Variants in GNS observed in about 807,000 individuals in gnomAD.
GNS encodes glucosamine (N-acetyl)-6-sulfatase.
In GNS, 40 loss-of-function variants were observed where a neutral mutation model predicts 69.7. That is an observed-to-expected ratio of 0.57 (90% confidence interval 0.45 to 0.75). The LOEUF (loss-of-function observed/expected upper bound fraction) is 0.75, where lower values mean the gene tolerates loss of function less well. GNS is among the 30% of genes least tolerant of loss of function. GNS has a pLI of 0.00. For missense variants in GNS, 565 were observed against 685.5 expected (o/e 0.82, Z 1.96); for synonymous variants, 243 against 251.6 (o/e 0.97, Z 0.32).
chr12:64,740,570 A>G (rs751880424), intron 7 of GNS, 36 bp downstream of exon 7: 16 of 1,124,782 alleles, frequency 1.4e-5, no homozygotes, highest in Non-Finnish European at 2.2e-5. Context: ...AGGGTCTTTA[A>G]AACCACTCAG....
At chr12:64,739,613 A>C (rs1245279337) in intron 7 of GNS, 114 bp from the exon 8 acceptor site, 1 of 656,492 alleles carries the variant, frequency 1.5e-6, no homozygotes, top group African/African-American at 1.8e-5. Context: ...CCGTTTAAAA[A>C]AAAAAATCCA....
chr12:64,722,605 T>C (rs1218575069), intron 11 of GNS, among the ~76,000 whole-genome samples: 1 of 152,252 alleles, frequency 6.6e-6, no homozygotes, highest in Non-Finnish European at 1.5e-5. Flanking sequence ...CTTTGTGACC[T>C]GCCTGGCTGC....
intron 6 of GNS, among the ~76,000 whole-genome samples, chr12:64,741,020 G>C (rs1453456716): frequency 6.6e-6 from 1 of 152,118 alleles, no homozygotes; most frequent in African/African-American, 2.4e-5. Context: ...TTACAACTCT[G>C]ATCTTATGCC....
intron 5 of GNS, 78 bp downstream of exon 5, chr12:64,744,731 T>C (rs923841417): frequency 1.4e-5 from 11 of 786,746 alleles, no homozygotes; most frequent in Admixed American, 1.0e-4. Flanking sequence ...AATAAGATTA[T>C]AGGTTTTCTA....
In GNS at chr12:64,759,147, T is replaced by TTCCC; in HGVS notation, c.126_129dup (p.Thr44GlyfsTer64). 1 of 1,558,066 alleles carries TTCCC rather than the reference T, an allele frequency of 6.4e-7. No homozygotes were observed. Among genetic ancestry groups the TTCCC allele is most frequent in the East Asian group, 2.4e-5 (1 of 41,984 alleles). ...AGCAGCACCACGTTGGGCCTCCGGGTTCCCGCAGCCACCCCGAAGACCCCC... is the reference window on the plus strand; with the variant it reads ...AGCAGCACCACGTTGGGCCTCCGGGTTCCCTCCCGCAGCCACCCCGAAGACCCCC... On this transcript the variant is annotated frameshift_variant, in exon 1 of 14. Transcript: ENST00000258145. LOFTEE classifies it high-confidence loss of function.
chr12:64,722,802 T>C (rs1028880737), intron 11 of GNS: 5 of 568,978 alleles, frequency 8.8e-6, no homozygotes, highest in African/African-American at 5.6e-5. Flanking sequence ...AATTGGAAGA[T>C]TAACAGTGCA....
At position 64,741,107 on chromosome 12, in the gene GNS, T is replaced by TTTTTTC. The variant is rs1392425931; in HGVS notation, c.793-420_793-419insGAAAAA. Among the ~76,000 whole-genome samples, 20 of 16,664 alleles carry TTTTTTC rather than the reference T, an allele frequency of 1.2e-3. No individual in the cohort carries two copies. In the South Asian group the frequency reaches 0.045, roughly 37 times the overall value. 10.9% of individuals were successfully genotyped at this position (16,664 alleles called of 152,430 possible). On this transcript the variant is annotated intron_variant, in intron 6 of 13. Coordinates refer to ENST00000258145, the MANE Select transcript of GNS (RefSeq NM_002076.4). Reference sequence around the variant, plus strand: ...CTGTAGTCCCAGCTACTTGGGAGGCTGAGGCAGGAGAATGGCGTGAACCCG... The same window carrying TTTTTTC: ...CTGTAGTCCCAGCTACTTGGGAGGCTTTTTTCGAGGCAGGAGAATGGCGTGAACCCG...
Position 64,744,828 on chromosome 12 carries a change from TC to T in GNS, c.604del (p.Asp202ThrfsTer3). ...ACTCACCAAAACATCTGTCAGGTAG[TC>T]CACACTATAGTTTTCACCATGCTTC... ...ARKHGENYSV[D>X]YLTDVLANVS... On this transcript the variant is annotated frameshift_variant, in exon 5 of 14. Transcript: ENST00000258145. LOFTEE classifies it high-confidence loss of function. 6.6e-7 allele frequency: 1 copy of T among 1,526,274 alleles called. No homozygotes were observed. Among genetic ancestry groups the T allele is most frequent in the African/African-American group, 1.4e-5 (1 of 73,312 alleles). 94.5% of individuals were successfully genotyped at this position (1,526,274 alleles called of 1,614,324 possible).
chr12:64,757,134 G>A lies in GNS; in HGVS notation c.192+1951C>T, dbSNP rs182432426. 1.1e-3 allele frequency among the ~76,000 whole-genome samples: 160 copies of A among 152,268 alleles called. 1 individual carries two copies. Among genetic ancestry groups the A allele is most frequent in the Non-Finnish European group, 1.9e-3 (130 of 68,022 alleles). Reference sequence around the variant, plus strand: ...TTCAAGGCTGCAATGAGCCTTGATTGTACCACTGCACTCCAGCCTGGATGA... The same window carrying A: ...TTCAAGGCTGCAATGAGCCTTGATTATACCACTGCACTCCAGCCTGGATGA... On this transcript the variant is annotated intron_variant, in intron 1 of 13. Transcript: ENST00000258145.
rs79475223 is a variant in GNS at position 64,727,119 on chromosome 12, T to C, written c.1200+1837A>G. ...TCACAAAGACAGATAATAGCAAGTA[T>C]TGGCTCCCACCCGTAATCTCAGCAC... On this transcript the variant is annotated intron_variant, in intron 10 of 13. Transcript: ENST00000258145. Among the ~76,000 whole-genome samples the C allele has an allele frequency of 2.1e-3, 319 of 151,740 alleles. 1 individual carries two copies. The highest frequency in any genetic ancestry group is 7.3e-3 in the African/African-American group (302 of 41,408).
intron 3 of GNS, among the ~76,000 whole-genome samples, chr12:64,746,409 C>G (rs1467122637): frequency 6.6e-6 from 1 of 152,200 alleles, no homozygotes; most frequent in African/African-American, 2.4e-5. Context: ...GAAATGTTCA[C>G]TGGAGCACTT....
Position 64,747,808 on chromosome 12 carries a change from C to A in GNS, c.363G>T (p.Lys121Asn). 6.2e-7 allele frequency: 1 copy of A among 1,609,086 alleles called. No homozygotes were observed. The highest frequency in any genetic ancestry group is 8.5e-7 in the Non-Finnish European group (1 of 1,175,444). Residue 121 changes from lysine to asparagine, a missense_variant, in exon 3 of 14, where the codon AAG becomes AAT. Transcript: ENST00000258145. ...TTGGTTCTTGGATCTTCTGCCAGGACTTACTACTGCAGTTCCCCTCCAGAG... is the reference window on the plus strand; with the variant it reads ...TTGGTTCTTGGATCTTCTGCCAGGAATTACTACTGCAGTTCCCCTCCAGAG... Reference protein sequence around the residue: ...NNTLEGNCSSKSWQKIQEPNT... With the variant: ...NNTLEGNCSSNSWQKIQEPNT...
At chr12:64,748,878 T>G (rs1869980301) in intron 2 of GNS, among the ~76,000 whole-genome samples, 1 of 152,198 alleles carries the variant, frequency 6.6e-6, no homozygotes, top group Non-Finnish European at 1.5e-5. Flanking sequence ...ATGCAAAAAT[T>G]GGGTATTATC....
In GNS at chr12:64,713,460, T is replaced by TA. The variant is rs1272265747; in HGVS notation, c.*3280dup. ...GGACACATTCCCACTAGAACAGAAA[T>TA]AAATTTTAATTCATTGAAAAGTGCA... On this transcript the variant is annotated 3_prime_UTR_variant, in exon 14 of 14. Transcript: ENST00000258145. 1 of 152,618 alleles carries TA rather than the reference T, an allele frequency of 6.6e-6. No individual in the cohort carries two copies. The highest frequency in any genetic ancestry group is 1.5e-5 in the Non-Finnish European group (1 of 68,026). The allele number at this position is 152,618 out of a possible 1,614,324, so 9.5% of individuals were successfully genotyped here. A position where few individuals can be genotyped will look rare whatever the true frequency, so the allele number is the denominator to read the frequency against.
intron 1 of GNS, among the ~76,000 whole-genome samples, chr12:64,755,061 A>G (rs1870205498): frequency 6.6e-6 from 1 of 152,136 alleles, no homozygotes; most frequent in Non-Finnish European, 1.5e-5. Context: ...AATCCTTAAG[A>G]TCGAAGCAAA....
intron 2 of GNS, among the ~76,000 whole-genome samples, chr12:64,752,372 T>C (rs1870107723): frequency 6.6e-6 from 1 of 152,226 alleles, no homozygotes; most frequent in Non-Finnish European, 1.5e-5. Context: ...TTTTGGCTAT[T>C]AGGGTTAATT....
chr12:64,728,695 CTT>C lies in GNS; in HGVS notation c.1200+259_1200+260del, dbSNP rs1869289109. The stretch of plus-strand genomic sequence containing the variant: ...AACTCATGTATTTGGACTAATGACT[CTT>C]TTTTATGTATGTTGCAAGTGTGTTC... On this transcript the variant is annotated intron_variant, in intron 10 of 13. Coordinates refer to ENST00000258145, the MANE Select transcript of GNS (RefSeq NM_002076.4). Among the ~76,000 whole-genome samples the C allele has an allele frequency of 2.0e-5, 3 of 152,232 alleles. No homozygotes were observed. In the South Asian group the frequency reaches 6.2e-4, roughly 32 times the overall value.
chr12:64,742,496 C>T (rs1194369983), intron 6 of GNS, among the ~76,000 whole-genome samples: 1 of 152,218 alleles, frequency 6.6e-6, no homozygotes, highest in Non-Finnish European at 1.5e-5. Flanking sequence ...GCATCGTGCT[C>T]ATAGTCTGTA....
In GNS at chr12:64,739,508, G is replaced by A. The variant is rs1219035712; in HGVS notation, c.876-9C>T. 1 of 1,256,634 alleles carries A rather than the reference G, an allele frequency of 8.0e-7. No homozygotes were observed. Among genetic ancestry groups the A allele is most frequent in the Non-Finnish European group, 1.1e-6 (1 of 889,368 alleles). The allele number at this position is 1,256,634 out of a possible 1,614,324, so 77.8% of individuals were successfully genotyped here. A position where few individuals can be genotyped will look rare whatever the true frequency, so the allele number is the denominator to read the frequency against. ...AGAGGAGAGTTTGCCACCTGGATGT[G>A]AACAGAAGGTAGAAATGGGACTTCA... is the stretch of plus-strand genomic sequence containing the variant. On this transcript the variant is annotated splice_polypyrimidine_tract_variant and intron_variant, in intron 7 of 13. Transcript: ENST00000258145.
Sources: allele counts gnomAD v4.1 joint callset (sites outside exome capture counted in the v4.1 genomes callset), GRCh38; gene constraint gnomAD v4.1.1; transcripts MANE v1.5; gene names NCBI Gene and HGNC (gene_info 2026-07-23, HGNC 2026-07-21).